The following LINGO2 variants were observed in gnomAD, a reference collection of about 807,000 sequenced individuals.
LINGO2 encodes the protein leucine rich repeat and Ig domain containing 2.
Under a neutral mutation model 30.6 loss-of-function variants are expected in LINGO2, and 14 were observed. The ratio of observed to expected loss-of-function variants is 0.46; its 90% CI spans 0.30 to 0.72. The LOEUF is 0.72. Among genes scored for constraint, LINGO2 ranks in the 30% least tolerant of loss-of-function variants. The probability of loss-of-function intolerance (pLI) is 0.07; values close to 1 mark genes in which losing one functional copy is unlikely to be tolerated. For missense variants in LINGO2, 729 were observed against 751.7 expected, an observed-to-expected ratio of 0.97 and a Z score of 0.35; for synonymous variants, 317 against 288.5, an observed-to-expected ratio of 1.10 and a Z score of -1.00.
chr9:28,671,971 T>C (rs1017400991), upstream of LINGO2, among the ~76,000 whole-genome samples: 3 of 152,102 alleles, frequency 2.0e-5, no homozygotes, highest in Non-Finnish European at 2.9e-5. Context: ...TATCAGAAAT[T>C]AAATATATAT....
chr9:28,187,232 T>G (rs762836198), intron 4 of LINGO2, among the ~76,000 whole-genome samples: 1 of 152,120 alleles, frequency 6.6e-6, no homozygotes, highest in East Asian at 1.9e-4. Context: ...GGCTCACACA[T>G]GTAATCTCAG....
At chr9:29,012,512 T>C in the LINGO2 span, among the ~76,000 whole-genome samples, 1 of 152,180 alleles carries the variant, frequency 6.6e-6, no homozygotes, top group East Asian at 1.9e-4. Flanking sequence ...AGAACCGTTC[T>C]CACTTGGTTC....
At chr9:28,588,134 T>C (rs1017076777) in intron 1 of LINGO2, among the ~76,000 whole-genome samples, 4 of 152,044 alleles carry the variant, frequency 2.6e-5, no homozygotes, top group African/African-American at 9.7e-5. Flanking sequence ...GAAAGTGACT[T>C]GTCCAAAATA....
chr9:28,733,007 C>A, the LINGO2 span, among the ~76,000 whole-genome samples: 1 of 152,136 alleles, frequency 6.6e-6, no homozygotes, highest in Admixed American at 6.5e-5. Context: ...AGCTCTCATC[C>A]ATCTGTATAC....
intron 4 of LINGO2, among the ~76,000 whole-genome samples, chr9:28,037,221 T>TTA (rs1461296139): frequency 1.3e-5 from 2 of 152,172 alleles, no homozygotes; most frequent in Non-Finnish European, 2.9e-5. Context: ...GAACGCCTAG[T>TTA]TATACAAACA....
chr9:28,745,793 C>T, the LINGO2 span, among the ~76,000 whole-genome samples: 1 of 151,912 alleles, frequency 6.6e-6, no homozygotes, highest in Non-Finnish European at 1.5e-5. Flanking sequence ...GCTTCAAATA[C>T]ATATTTGTTT....
intron 4 of LINGO2, among the ~76,000 whole-genome samples, chr9:28,037,072 G>GCTTATTATTATCTATATATAAAA (rs1242167879): frequency 3.3e-5 from 5 of 152,156 alleles, no homozygotes; most frequent in African/African-American, 9.7e-5. Context: ...TATTGTGGAT[G>GCTTATTATTATCTATATATAAAA]AATTCCTATT....
chr9:28,990,612 G>C, the LINGO2 span, among the ~76,000 whole-genome samples: 17 of 152,312 alleles, frequency 1.1e-4, no homozygotes, highest in East Asian at 2.9e-3. Flanking sequence ...CCACCCAGTA[G>C]GGGCAGACTG....
In LINGO2 at chr9:28,456,696, G is replaced by T. The variant is rs143227203; in HGVS notation, c.-279+19244C>A. 7.8e-3 allele frequency among the ~76,000 whole-genome samples: 1,187 copies of T among 152,036 alleles called. 14 individuals are homozygous for T. The highest frequency in any genetic ancestry group is 0.027 in the African/African-American group (1,103 of 41,480). ...CCAGATGGAGTTTTTTTTCTGACAC[G>T]CATGACACAAACTGAACATACAAAC... On this transcript the variant is annotated intron_variant, in intron 2 of 5. Coordinates refer to ENST00000379992, the Ensembl canonical transcript of LINGO2.
chr9:28,428,008 A>G (rs1363543508), intron 2 of LINGO2, among the ~76,000 whole-genome samples: 2 of 152,156 alleles, frequency 1.3e-5, no homozygotes, highest in Non-Finnish European at 2.9e-5. Context: ...TCCTTTGCAG[A>G]GTCTCTGTGT....
chr9:27,975,350 A>G (rs1181662613), intron 5 of LINGO2, among the ~76,000 whole-genome samples: 1 of 151,926 alleles, frequency 6.6e-6, no homozygotes, highest in Non-Finnish European at 1.5e-5. Flanking sequence ...CCTACTTGGA[A>G]TAGTGGTAAA....
At chr9:28,394,366 T>C (rs1821959756) in intron 2 of LINGO2, among the ~76,000 whole-genome samples, 1 of 152,178 alleles carries the variant, frequency 6.6e-6, no homozygotes, top group Non-Finnish European at 1.5e-5. Context: ...GATTGTTTTT[T>C]CCATCATCCA....
the LINGO2 span, among the ~76,000 whole-genome samples, chr9:29,127,344 T>A: frequency 6.6e-6 from 1 of 152,126 alleles, no homozygotes; most frequent in Non-Finnish European, 1.5e-5. Context: ...ACTGGTGACA[T>A]ATTTTGGTGA....
the LINGO2 span, among the ~76,000 whole-genome samples, chr9:28,858,375 TA>T: frequency 6.6e-6 from 1 of 152,064 alleles, no homozygotes; most frequent in African/African-American, 2.4e-5. Context: ...GAAGATTTTA[TA>T]TGTGCTCCTG....
chr9:29,125,747 T>C, the LINGO2 span, among the ~76,000 whole-genome samples: 1 of 152,144 alleles, frequency 6.6e-6, no homozygotes, highest in African/African-American at 2.4e-5. Context: ...TGTAGATTAA[T>C]GTAAAATTAA....
chr9:28,192,266 A>G (rs1819849423), intron 4 of LINGO2, among the ~76,000 whole-genome samples: 1 of 152,108 alleles, frequency 6.6e-6, no homozygotes. Context: ...ATATATATAC[A>G]TTTTATATAC....
At chr9:28,760,430 T>G in the LINGO2 span, among the ~76,000 whole-genome samples, 1 of 152,016 alleles carries the variant, frequency 6.6e-6, no homozygotes, top group Non-Finnish European at 1.5e-5. Context: ...GGAAACAAGA[T>G]TTTCAAGAAA....
the LINGO2 span, among the ~76,000 whole-genome samples, chr9:28,778,087 G>A: frequency 6.6e-6 from 1 of 152,100 alleles, no homozygotes; most frequent in South Asian, 2.1e-4. Context: ...AATTGCTTCA[G>A]CAATTATCCT....
chr9:29,102,564 G>A, the LINGO2 span, among the ~76,000 whole-genome samples: 1 of 152,128 alleles, frequency 6.6e-6, no homozygotes, highest in Non-Finnish European at 1.5e-5. Context: ...TGAGGTTTGA[G>A]TTTCATTTAA....
Sources: allele counts gnomAD v4.1 joint callset (sites outside exome capture counted in the v4.1 genomes callset), GRCh38; gene constraint gnomAD v4.1.1; transcripts MANE v1.5; gene names NCBI Gene and HGNC (gene_info 2026-07-23, HGNC 2026-07-21).